PDE1A: variants seen among roughly 807,000 people sequenced by gnomAD.
The protein encoded by PDE1A is dual specificity calcium/calmodulin-dependent 3',5'-cyclic nucleotide phosphodiesterase 1A.
Under a neutral mutation model 61.7 loss-of-function variants are expected in PDE1A, and 35 were observed. The observed-to-expected ratio is 0.57, with a 90% CI of 0.43 to 0.75. PDE1A has a LOEUF of 0.75. Ranked by LOEUF, PDE1A falls within the 30% of genes least tolerant of loss-of-function variation. The probability of loss-of-function intolerance (pLI) is 0.00; values close to 1 mark genes in which losing one functional copy is unlikely to be tolerated. For synonymous variants in PDE1A, 232 were observed against 213.2 expected, an observed-to-expected ratio of 1.09 and a Z score of -0.77; for missense variants, 597 against 630.6, an observed-to-expected ratio of 0.95 and a Z score of 0.57.
Position 182,426,724 on chromosome 2 carries a change from AGCCC to A in PDE1A, c.-98_-95del. 3.8e-6 allele frequency: 6 copies of A among 1,580,060 alleles called. No individual in the cohort carries two copies. The Admixed American group carries it at 5.7e-5, about 15-fold the overall frequency. On this transcript the variant is annotated 5_prime_UTR_variant, in exon 1 of 14. The change abolishes the stop of an existing upstream ORF in the 5' untranslated region. Transcript: ENST00000351439. ...TATCCTGATCTATTGTGCTGCAAGG[AGCCC>A]AGAAAGAAAAAGTAGTTTCCTCTTT...
chr2:182,701,330 C>T, the PDE1A span, among the ~76,000 whole-genome samples: 35 of 151,950 alleles, frequency 2.3e-4, no homozygotes, highest in African/African-American at 8.0e-4. Flanking sequence ...CCACCGCGCC[C>T]GGCTGACCTT....
chr2:182,615,636 A>T, the PDE1A span, among the ~76,000 whole-genome samples: 2 of 152,152 alleles, frequency 1.3e-5, no homozygotes, highest in African/African-American at 2.4e-5. Context: ...TGGGTAATTT[A>T]TAAAGGTCAG....
At chr2:182,146,620 G>A (rs1267512373), downstream of PDE1A, among the ~76,000 whole-genome samples, 1 of 152,002 alleles carries the variant, frequency 6.6e-6, no homozygotes, top group Non-Finnish European at 1.5e-5. Context: ...AAGTAGCTGG[G>A]ATTACAGGTG....
intron 1 of PDE1A, among the ~76,000 whole-genome samples, chr2:182,342,809 A>G (rs1698279568): frequency 2.0e-5 from 3 of 152,240 alleles, no homozygotes; most frequent in African/African-American, 7.2e-5. Context: ...TTCATATGGA[A>G]CTCTTTTGCA....
rs184966999 is a variant in PDE1A, at chr2:182,386,822, G to A, written c.53+39756C>T. ...AGGTGGGGGGCACCTCCACCCGGCC[G>A]CCGCCCCGTCTGGGAGGTGGGGGGC... On this transcript the variant is annotated intron_variant, in intron 1 of 13. Coordinates refer to ENST00000351439, the Ensembl canonical transcript of PDE1A. Among the ~76,000 whole-genome samples, 927 of 150,692 alleles carry A rather than the reference G, an allele frequency of 6.2e-3. 8 individuals carry two copies. Among genetic ancestry groups the A allele is most frequent in the Middle Eastern group, 0.031 (9 of 290 alleles).
intron 2 of PDE1A, among the ~76,000 whole-genome samples, chr2:182,435,432 G>C (rs533563640): frequency 3.3e-5 from 5 of 152,164 alleles, no homozygotes; most frequent in South Asian, 4.1e-4. Context: ...TAAGCCCTAA[G>C]TACCATGCAA....
At chr2:182,484,701 A>T (rs1687908102) in intron 2 of PDE1A, among the ~76,000 whole-genome samples, 1 of 152,126 alleles carries the variant, frequency 6.6e-6, no homozygotes, top group African/African-American at 2.4e-5. Flanking sequence ...AAAGTGGGCA[A>T]AAGACATGAA....
At chr2:182,235,733 T>C (rs1366255479) in intron 3 of PDE1A, among the ~76,000 whole-genome samples, 3 of 152,224 alleles carry the variant, frequency 2.0e-5, no homozygotes, top group Non-Finnish European at 2.9e-5. Context: ...TACATGGCTG[T>C]AAATTCTCCC....
At chr2:182,497,888 C>CA (rs1156905938) in intron 2 of PDE1A, among the ~76,000 whole-genome samples, 19 of 150,892 alleles carry the variant, frequency 1.3e-4, no homozygotes, top group Admixed American at 5.3e-4. Flanking sequence ...TGAAAAAATA[C>CA]AAAAAAAATC....
At chr2:182,475,176 G>A (rs930908863) in intron 2 of PDE1A, among the ~76,000 whole-genome samples, 1 of 151,880 alleles carries the variant, frequency 6.6e-6, no homozygotes, top group Non-Finnish European at 1.5e-5. Flanking sequence ...ACTTCAACAA[G>A]CATGGCAACA....
intron 1 of PDE1A, among the ~76,000 whole-genome samples, chr2:182,421,240 C>CT (rs1311049278): frequency 1.3e-5 from 2 of 152,122 alleles, no homozygotes; most frequent in Non-Finnish European, 2.9e-5. Flanking sequence ...CATTCCAAAT[C>CT]TTTGAAAAGC....
chr2:182,334,267 G>GAC lies in PDE1A; in HGVS notation c.54-69855_54-69854dup, dbSNP rs552771675. ...AATCCTGATACCAAACCCTGGAAGAGACACACACACACACACACACACATG... is the reference window on the plus strand; with the variant it reads ...AATCCTGATACCAAACCCTGGAAGAGACACACACACACACACACACACACATG... On this transcript the variant is annotated intron_variant, in intron 1 of 13. Transcript: ENST00000351439. Among the ~76,000 whole-genome samples the GAC allele has an allele frequency of 1.8e-3, 267 of 145,808 alleles. 3 individuals are homozygous for GAC. The highest frequency in any genetic ancestry group is 0.011 in the South Asian group (50 of 4,590).
chr2:182,193,741 T>C (rs1273994454), intron 10 of PDE1A, among the ~76,000 whole-genome samples: 2 of 152,180 alleles, frequency 1.3e-5, no homozygotes, highest in Non-Finnish European at 2.9e-5. Context: ...GTGAATGTTA[T>C]AAATATTTTA....
At chr2:182,538,342 A>C in the PDE1A span, among the ~76,000 whole-genome samples, 1 of 152,170 alleles carries the variant, frequency 6.6e-6, no homozygotes, top group Non-Finnish European at 1.5e-5. Flanking sequence ...GAAATATAGA[A>C]CAGTGTTTGA....
At chr2:182,572,112 T>G in the PDE1A span, among the ~76,000 whole-genome samples, 1 of 152,328 alleles carries the variant, frequency 6.6e-6, no homozygotes. Context: ...ACTGACACTG[T>G]GCCTGACATT....
chr2:182,266,020 C>A (rs1333670834), intron 1 of PDE1A, among the ~76,000 whole-genome samples: 1 of 152,030 alleles, frequency 6.6e-6, no homozygotes, highest in Non-Finnish European at 1.5e-5. Flanking sequence ...AGGTATTTGA[C>A]ATTTCTCCAC....
intron 1 of PDE1A, among the ~76,000 whole-genome samples, chr2:182,292,203 TCTCTCTCTA>T (rs1187081778): frequency 1.3e-5 from 2 of 151,956 alleles, no homozygotes; most frequent in East Asian, 3.9e-4. Flanking sequence ...CCAGAGGCTC[TCTCTCTCTA>T]CTAATCCTAT....
chr2:182,261,254 T>C (rs1254938601), intron 2 of PDE1A, among the ~76,000 whole-genome samples: 1 of 152,188 alleles, frequency 6.6e-6, no homozygotes, highest in Non-Finnish European at 1.5e-5. Context: ...GGTTAGGTTT[T>C]AGTCCCAGTT....
intron 2 of PDE1A, among the ~76,000 whole-genome samples, chr2:182,473,645 T>A (rs376045021): frequency 9.2e-5 from 14 of 151,774 alleles, no homozygotes; most frequent in African/African-American, 3.4e-4. Flanking sequence ...TCCTCCTACC[T>A]TCCACCCTCT....
Sources: gnomAD v4.1 joint callset for allele counts (sites outside exome capture counted in the v4.1 genomes callset) on GRCh38, gnomAD v4.1.1 for gene constraint, MANE v1.5 for transcripts, NCBI Gene and HGNC (gene_info 2026-07-23, HGNC 2026-07-21) for gene names.